Variants in CSMD1 observed in about 807,000 individuals in gnomAD.
The protein encoded by CSMD1 is CUB and Sushi multiple domains 1.
A neutral mutation model predicts 417.5 loss-of-function variants in CSMD1; 213 were observed. That is an observed-to-expected ratio of 0.51 (90% CI 0.46 to 0.57). CSMD1 has a LOEUF of 0.57. CSMD1 is among the 20% of genes least tolerant of loss of function. The pLI, the probability that CSMD1 is intolerant of heterozygous loss-of-function variation, is 0.00. For synonymous variants in CSMD1, 2,862 were observed against 1,736.8 expected (o/e 1.65, Z -16.11); for missense variants, 6,923 against 4,529.7 (o/e 1.53, Z -15.17).
At chr8:4,231,448 C>G (rs1164679464) in intron 3 of CSMD1, among the ~76,000 whole-genome samples, 1 of 152,196 alleles carries the variant, frequency 6.6e-6, no homozygotes, top group East Asian at 1.9e-4. Flanking sequence ...GTGTAGAGAT[C>G]AGACATTAGA....
chr8:3,209,058 T>A (rs1249762461), intron 30 of CSMD1, among the ~76,000 whole-genome samples: 1 of 152,178 alleles, frequency 6.6e-6, no homozygotes, highest in Non-Finnish European at 1.5e-5. Context: ...AAGCATAGAA[T>A]AAAAGAGCAT....
At chr8:3,474,882 C>T (rs945341876) in intron 11 of CSMD1, among the ~76,000 whole-genome samples, 1 of 152,136 alleles carries the variant, frequency 6.6e-6, no homozygotes, top group Admixed American at 6.5e-5. Context: ...TAATGAAACA[C>T]TAAATAAATC....
intron 37 of CSMD1, among the ~76,000 whole-genome samples, chr8:3,162,565 A>G (rs546058333): frequency 6.1e-4 from 93 of 152,296 alleles, no homozygotes; most frequent in Non-Finnish European, 9.7e-4. Flanking sequence ...CCCAACTTCA[A>G]TATATACATA....
intron 2 of CSMD1, among the ~76,000 whole-genome samples, chr8:4,432,914 G>A (rs73512778): frequency 0.024 from 3,671 of 152,300 alleles, 166 homozygotes; most frequent in African/African-American, 0.084. Context: ...AGAAGCCAGA[G>A]AGGCTGTGTT....
chr8:4,176,467 C>T (rs374390621), intron 3 of CSMD1, among the ~76,000 whole-genome samples: 1 of 151,978 alleles, frequency 6.6e-6, no homozygotes, highest in Non-Finnish European at 1.5e-5. Context: ...TTTTCTCATC[C>T]TGGCACCTTC....
intron 6 of CSMD1, among the ~76,000 whole-genome samples, chr8:3,732,382 A>T (rs543887262): frequency 5.2e-4 from 79 of 152,280 alleles, no homozygotes; most frequent in African/African-American, 1.8e-3. Flanking sequence ...ATTGTCAAGG[A>T]CTTTTTCTAG....
At chr8:3,959,770 T>G (rs369918025) in intron 5 of CSMD1, among the ~76,000 whole-genome samples, 2 of 152,218 alleles carry the variant, frequency 1.3e-5, no homozygotes, top group African/African-American at 4.8e-5. Context: ...GTCTTCAGTT[T>G]TGTGATTGGA....
intron 2 of CSMD1, among the ~76,000 whole-genome samples, chr8:4,559,474 A>T (rs4875112): frequency 0.99 from 151,198 of 152,274 alleles, 75,072 homozygotes; most frequent in Middle Eastern, 1. Flanking sequence ...TGGAGTAGAA[A>T]AGTAAGAGAT....
At chr8:4,099,794 G>A (rs1328295086) in intron 3 of CSMD1, among the ~76,000 whole-genome samples, 1 of 152,078 alleles carries the variant, frequency 6.6e-6, no homozygotes, top group Non-Finnish European at 1.5e-5. Flanking sequence ...TGATAGTACT[G>A]GGAAGGCTAC....
chr8:4,130,233 G>C lies in CSMD1; in HGVS notation c.416-98134C>G, dbSNP rs143559166. On this transcript the variant is annotated intron_variant, in intron 3 of 69. Coordinates refer to ENST00000635120, the MANE Select transcript of CSMD1 (RefSeq NM_033225.6). Reference sequence around the variant, plus strand: ...CCCTCACTTTCTTCTTGTCAGTCTAGTATGTAAGTTTGGAGAGCCAAGGAT... The same window carrying C: ...CCCTCACTTTCTTCTTGTCAGTCTACTATGTAAGTTTGGAGAGCCAAGGAT... 4.0e-3 allele frequency among the ~76,000 whole-genome samples: 606 copies of C among 152,186 alleles called. 7 individuals carry two copies. The highest frequency in any genetic ancestry group is 0.014 in the African/African-American group (582 of 41,514).
At chr8:4,830,842 G>C (rs748138298) in intron 1 of CSMD1, among the ~76,000 whole-genome samples, 5 of 152,172 alleles carry the variant, frequency 3.3e-5, no homozygotes, top group Non-Finnish European at 5.9e-5. Context: ...AGAGAAATCA[G>C]CTAAGTGAAG....
chr8:3,699,339 T>G (rs1372270336), intron 7 of CSMD1, among the ~76,000 whole-genome samples: 1 of 152,242 alleles, frequency 6.6e-6, no homozygotes, highest in South Asian at 2.1e-4. Context: ...ACTAGTGTGT[T>G]TTACTGACAT....
chr8:3,549,906 G>C (rs891319744), intron 10 of CSMD1, among the ~76,000 whole-genome samples: 2 of 152,152 alleles, frequency 1.3e-5, no homozygotes, highest in Non-Finnish European at 2.9e-5. Context: ...GAATAAATAA[G>C]TCAACAAGCA....
At chr8:3,535,195 C>A (rs1385354270) in intron 10 of CSMD1, among the ~76,000 whole-genome samples, 1 of 151,992 alleles carries the variant, frequency 6.6e-6, no homozygotes, top group African/African-American at 2.4e-5. Flanking sequence ...CTGAAATGAT[C>A]CTTCTGTTTC....
intron 11 of CSMD1, among the ~76,000 whole-genome samples, chr8:3,492,855 T>G (rs17066293): frequency 6.6e-6 from 1 of 151,480 alleles, no homozygotes; most frequent in Non-Finnish European, 1.5e-5. Flanking sequence ...GTCTGTTACT[T>G]TATTACGCAG....
chr8:4,319,570 C>T (rs1799145343), intron 3 of CSMD1, among the ~76,000 whole-genome samples: 1 of 152,070 alleles, frequency 6.6e-6, no homozygotes, highest in South Asian at 2.1e-4. Flanking sequence ...TAATTGTTGG[C>T]TGTTGAATAA....
chr8:4,693,413 G>A (rs1701490529), intron 1 of CSMD1, among the ~76,000 whole-genome samples: 1 of 152,210 alleles, frequency 6.6e-6, no homozygotes, highest in Non-Finnish European at 1.5e-5. Flanking sequence ...GGTGTGTTCT[G>A]GCTGTGTCAG....
rs1366568301 is a variant in CSMD1 at position 3,118,391 on chromosome 8, G to A, written c.6430+8C>T. On this transcript the variant is annotated splice_region_variant and intron_variant, in intron 42 of 69. Transcript: ENST00000635120. ...TTAAATCGCCCCCATGCAAAGTGAT[G>A]AACTTACCATCACATCTTGGAAAAG... 1.9e-6 allele frequency: 3 copies of A among 1,606,890 alleles called. No individual in the cohort carries two copies. Among genetic ancestry groups the A allele is most frequent in the Admixed American group, 3.4e-5 (2 of 59,548 alleles).
At chr8:4,905,123 CT>C (rs1201824473) in intron 1 of CSMD1, among the ~76,000 whole-genome samples, 1 of 152,064 alleles carries the variant, frequency 6.6e-6, no homozygotes, top group Non-Finnish European at 1.5e-5. Context: ...ATATACTCAA[CT>C]TTTAAATGTC....
Sources: gnomAD v4.1 joint callset for allele counts (sites outside exome capture counted in the v4.1 genomes callset) on GRCh38, gnomAD v4.1.1 for gene constraint, MANE v1.5 for transcripts, NCBI Gene and HGNC (gene_info 2026-07-23, HGNC 2026-07-21) for gene names.